MATN2: variants seen among roughly 807,000 people sequenced by gnomAD.
MATN2 encodes matrilin 2.
MATN2 carries 69 observed loss-of-function variants against 103.2 expected under a neutral mutation model. That is an observed-to-expected ratio of 0.67 (90% CI 0.55 to 0.82). The LOEUF is 0.82. Among genes scored for constraint, MATN2 ranks in the 40% least tolerant of loss-of-function variants. MATN2 has a pLI of 0.00. For missense variants in MATN2, 1,023 were observed against 1,211.5 expected (o/e 0.84, Z 2.31); for synonymous variants, 429 against 450.2 (o/e 0.95, Z 0.60).
intron 6 of MATN2, among the ~76,000 whole-genome samples, chr8:97,984,486 A>T (rs146999767): frequency 6.6e-6 from 1 of 152,226 alleles, no homozygotes; most frequent in Non-Finnish European, 1.5e-5. Context: ...TTTGTGCTCA[A>T]TGAATGATTG....
Position 98,033,626 on chromosome 8 carries a change from G to C in MATN2, c.2782G>C (p.Ala928Pro), listed in dbSNP as rs1814123514. The change falls in exon 18 of 19, where the codon GCA becomes CCA. Residue 928 changes from alanine (A) to proline (P), a missense_variant. By Grantham distance (27) the Ala-to-Pro change is conservative. Coordinates refer to ENST00000254898, the MANE Select transcript of MATN2 (RefSeq NM_002380.5). ...AAACCTTATAATGTTCCAGAACCTT[G>C]CAAACGAAGAAGTAAGAAAATTAAC... ...CENLIMFQNL[A>P]NEEVRKLTQR... 6.2e-7 allele frequency: 1 copy of C among 1,607,180 alleles called. No individual in the cohort carries two copies. Among genetic ancestry groups the C allele is most frequent in the South Asian group, 1.1e-5 (1 of 89,298 alleles).
At chr8:98,010,946 A>G (rs935746121) in intron 10 of MATN2, among the ~76,000 whole-genome samples, 1 of 152,126 alleles carries the variant, frequency 6.6e-6, no homozygotes, top group Non-Finnish European at 1.5e-5. Flanking sequence ...GTCTTAGTCT[A>G]CTCGGGCTCC....
chr8:97,991,595 G>A (rs1812388955), intron 6 of MATN2, among the ~76,000 whole-genome samples: 1 of 152,072 alleles, frequency 6.6e-6, no homozygotes, highest in Non-Finnish European at 1.5e-5. Context: ...GGTGGTGTGT[G>A]CCTATAGTTC....
At chr8:97,895,425 C>T (rs1026604256) in intron 2 of MATN2, among the ~76,000 whole-genome samples, 2 of 152,172 alleles carry the variant, frequency 1.3e-5, no homozygotes, top group African/African-American at 4.8e-5. Flanking sequence ...CTTCCTTCTA[C>T]CTGGAATATC....
chr8:97,876,865 G>A (rs1818091240), intron 1 of MATN2, among the ~76,000 whole-genome samples: 1 of 151,954 alleles, frequency 6.6e-6, no homozygotes, highest in African/African-American at 2.4e-5. Flanking sequence ...TTTGTTCAAT[G>A]TTATATTTGT....
intron 11 of MATN2, among the ~76,000 whole-genome samples, chr8:98,017,174 T>G (rs1813393628): frequency 6.6e-6 from 1 of 152,252 alleles, no homozygotes; most frequent in African/African-American, 2.4e-5. Flanking sequence ...AGTCAACCTC[T>G]GTCTCTGCCA....
At chr8:97,875,614 G>T (rs1207538314) in intron 1 of MATN2, among the ~76,000 whole-genome samples, 2 of 150,802 alleles carry the variant, frequency 1.3e-5, no homozygotes, top group African/African-American at 4.9e-5. Context: ...ATCACCATAG[G>T]TTAATTTTGT....
In MATN2 at chr8:98,036,083, A is replaced by C. The variant is rs1814240244; in HGVS notation, c.*371A>C. On this transcript the variant is annotated 3_prime_UTR_variant, in exon 19 of 19. Transcript: ENST00000254898. ...ACTTCTGTAGAACACTGGCCATAGG[A>C]AATGCTGTTTTTTTGTACTGGACTT... The C allele has an allele frequency of 1.2e-5, 2 of 171,482 alleles. No homozygotes were observed. The allele number at this position is 171,482 out of a possible 1,614,324, so 10.6% of individuals were successfully genotyped here. A position where few individuals can be genotyped will look rare whatever the true frequency, so the allele number is the denominator to read the frequency against.
chr8:97,888,290 G>T lies in MATN2; in HGVS notation c.142+48G>T, dbSNP rs778259029. On this transcript the variant is annotated intron_variant, in intron 2 of 18. Coordinates refer to ENST00000254898, the MANE Select transcript of MATN2 (RefSeq NM_002380.5). ...AAAAGTGGGCAGGTGGGGGTGGTTT[G>T]GGGAGGGCTCAGGGACAGGGATTGG... is the stretch of plus-strand genomic sequence containing the variant. 11 of 1,446,860 alleles carry T rather than the reference G, an allele frequency of 7.6e-6. No homozygotes were observed. The African/African-American group carries it at 1.4e-4, about 19-fold the overall frequency. 89.6% of individuals were successfully genotyped at this position (1,446,860 alleles called of 1,614,324 possible).
chr8:97,945,717 A>AAAAAAAAT lies in MATN2; in HGVS notation c.835+3819_835+3820insAAAAAATA, dbSNP rs59472539. 1.2e-4 allele frequency among the ~76,000 whole-genome samples: 15 copies of AAAAAAAAT among 121,810 alleles called. 1 individual carries two copies. The highest frequency in any genetic ancestry group is 6.4e-4 in the Admixed American group (7 of 10,970). The allele number at this position is 121,810 out of a possible 152,430, so 79.9% of individuals were successfully genotyped here. A position where few individuals can be genotyped will look rare whatever the true frequency, so the allele number is the denominator to read the frequency against. On this transcript the variant is annotated intron_variant, in intron 4 of 18. Transcript: ENST00000254898. ...CATACACACTATAGAAAAAAAAAAA[A>AAAAAAAAT]ATATATATATATATATATAATCTCC...
intron 14 of MATN2, among the ~76,000 whole-genome samples, chr8:98,030,221 A>C (rs567604487): frequency 6.6e-6 from 1 of 152,216 alleles, no homozygotes; most frequent in African/African-American, 2.4e-5. Context: ...CCCAGGGCTG[A>C]GCAACAGGTT....
intron 12 of MATN2, among the ~76,000 whole-genome samples, chr8:98,019,184 A>AAT (rs770500761): frequency 6.7e-4 from 102 of 151,570 alleles, no homozygotes; most frequent in Non-Finnish European, 1.1e-3. Flanking sequence ...ATCTTCTATT[A>AAT]ATATATCATC....
At position 97,931,382 on chromosome 8, in the gene MATN2, T is replaced by C. The variant is rs1340968417; in HGVS notation, c.572T>C (p.Ile191Thr). 6.2e-7 allele frequency: 1 copy of C among 1,613,880 alleles called. No individual in the cohort carries two copies. The highest frequency in any genetic ancestry group is 8.5e-7 in the Non-Finnish European group (1 of 1,179,896). The change falls in exon 3 of 19, where the codon ATC becomes ACC. Residue 191 changes from isoleucine (I) to threonine (T), a missense_variant. Physicochemically the swap from Ile to Thr is moderately conservative, Grantham distance 89. Coordinates refer to ENST00000254898, the MANE Select transcript of MATN2 (RefSeq NM_002380.5). The surrounding 1 kb of genome is among the most constrained non-coding windows in gnomAD (Gnocchi z 4.1). ...AAGGCACGGGACACGGGCATCCTAA[T>C]CTTTGCCATTGGTGTGGGCCAGGTA... Reference protein sequence around the residue: ...AAKARDTGILIFAIGVGQVDF... With the variant: ...AAKARDTGILTFAIGVGQVDF...
At chr8:97,997,312 G>A (rs1812619921) in intron 7 of MATN2, among the ~76,000 whole-genome samples, 1 of 152,234 alleles carries the variant, frequency 6.6e-6, no homozygotes, top group African/African-American at 2.4e-5. Context: ...ATGTGACCCT[G>A]AGCAGCTACT....
intron 6 of MATN2, among the ~76,000 whole-genome samples, chr8:97,987,214 T>C (rs1381200648): frequency 1.3e-5 from 2 of 152,134 alleles, no homozygotes; most frequent in African/African-American, 2.4e-5. Flanking sequence ...CCACCAGCAG[T>C]GTAAACGGAA....
At chr8:98,025,116 T>C (rs1813740323) in intron 13 of MATN2, 1 of 152,202 alleles carries the variant, frequency 6.6e-6, no homozygotes, top group South Asian at 2.1e-4. Flanking sequence ...GCCTGAGTCT[T>C]TTTTTGGTTC....
In MATN2 at chr8:97,889,474, T is replaced by TATATATATATATATATATAC. The variant is rs1278069523; in HGVS notation, c.142+1247_142+1248insTATACATATATATATATATA. Among the ~76,000 whole-genome samples the TATATATATATATATATATAC allele has an allele frequency of 2.1e-4, 30 of 141,790 alleles. 1 individual carries two copies. In the East Asian group the frequency reaches 6.4e-3, roughly 30 times the overall value. The allele number at this position is 141,790 out of a possible 152,430, so 93.0% of individuals were successfully genotyped here. On this transcript the variant is annotated intron_variant, in intron 2 of 18. Coordinates refer to ENST00000254898, the MANE Select transcript of MATN2 (RefSeq NM_002380.5). ...CTCTCTCTGTCTATATATATATATA[T>TATATATATATATATATATAC]ATATATATATATATAAAACTGATGA...
At chr8:97,977,064 C>T (rs910968720) in intron 5 of MATN2, among the ~76,000 whole-genome samples, 8 of 151,614 alleles carry the variant, frequency 5.3e-5, no homozygotes, top group Non-Finnish European at 8.8e-5. Flanking sequence ...GGTGAAACCC[C>T]GTTCCTACTA....
chr8:97,907,554 C>T (rs562423646), intron 2 of MATN2, among the ~76,000 whole-genome samples: 2 of 150,798 alleles, frequency 1.3e-5, no homozygotes, highest in South Asian at 4.2e-4. Flanking sequence ...GATCTCCTGA[C>T]CTCGTGATCC....
Sources: gnomAD v4.1 joint callset for allele counts (sites outside exome capture counted in the v4.1 genomes callset) on GRCh38, gnomAD v4.1.1 for gene constraint, Gnocchi (gnomAD v3.1) non-coding constraint, MANE v1.5 for transcripts, NCBI Gene and HGNC (gene_info 2026-07-23, HGNC 2026-07-21) for gene names.